EMC10: variants seen among roughly 807,000 people sequenced by gnomAD.
EMC10 encodes UPF0510 protein INM02.
Under a neutral mutation model 32.2 loss-of-function variants are expected in EMC10, and 40 were observed. The observed-to-expected ratio is 1.24, with a 90% CI of 0.96 to 1.61. The LOEUF is 1.61. Ranked by LOEUF, EMC10 falls within the 40% of genes most tolerant of loss-of-function variation. The pLI is 0.00. For synonymous variants in EMC10, 178 were observed against 158.4 expected, an observed-to-expected ratio of 1.12 and a Z score of -0.93; for missense variants, 402 against 357.7, an observed-to-expected ratio of 1.12 and a Z score of -1.00.
rs892914539 is a variant in EMC10, at chr19:50,484,616, C to T, written c.*2357C>T. The T allele has an allele frequency of 6.6e-6, 1 of 152,164 alleles. No individual in the cohort carries two copies. The highest frequency in any genetic ancestry group is 1.5e-5 in the Non-Finnish European group (1 of 68,032). The allele number at this position is 152,164 out of a possible 1,614,324, so 9.4% of individuals were successfully genotyped here. A position where few individuals can be genotyped will look rare whatever the true frequency, so the allele number is the denominator to read the frequency against. ...GTCTGGCCGGTCCTTGGGGAACCCA[C>T]TCACTATTTTATTTTATTGACCGGG... On this transcript the variant is annotated 3_prime_UTR_variant, in exon 7 of 7. Coordinates refer to ENST00000334976, the MANE Select transcript of EMC10 (RefSeq NM_206538.4).
At position 50,480,674 on chromosome 19, in the gene EMC10, G is replaced by A. The variant is rs1440104085; in HGVS notation, c.496G>A (p.Gly166Arg). 5 of 1,598,178 alleles carry A rather than the reference G, an allele frequency of 3.1e-6. No homozygotes were observed. The highest frequency in any genetic ancestry group is 2.3e-5 in the East Asian group (1 of 44,192). ...GGGCGTGTCGGTGGTGACGCACCCC[G>A]GGGGCTGCCGGGGCCATGAGGTGGA... ...VVGVSVVTHP[G>R]GCRGHEVEDV... Residue 166 changes from glycine (G) to arginine (R), a missense_variant, in exon 5 of 7, where the codon GGG (glycine) becomes AGG (arginine). Coordinates refer to ENST00000334976, the MANE Select transcript of EMC10 (RefSeq NM_206538.4). This position sits in a 1 kb window ranked among gnomAD's most constrained non-coding sequence, Gnocchi z 4.4.
rs967191877 is a variant in EMC10 at position 50,483,055 on chromosome 19, G to A, written c.*796G>A. On this transcript the variant is annotated 3_prime_UTR_variant, in exon 7 of 7. Coordinates refer to ENST00000334976, the MANE Select transcript of EMC10 (RefSeq NM_206538.4). ...CCGCCCAGCATCCTACCTGGACTGC[G>A]GTGCTACGAGGGCCTGCGGGCCTTT... The A allele has an allele frequency of 6.2e-5, 33 of 536,416 alleles. No homozygotes were observed. Among genetic ancestry groups the A allele is most frequent in the Non-Finnish European group, 7.1e-6 (2 of 280,112 alleles). 33.2% of individuals were successfully genotyped at this position (536,416 alleles called of 1,614,324 possible). A position where few individuals can be genotyped will look rare whatever the true frequency, so the allele number is the denominator to read the frequency against.
Position 50,485,199 on chromosome 19 carries a change from C to T in EMC10, c.*2940C>T, listed in dbSNP as rs1601331315. 1 of 152,198 alleles carries T rather than the reference C, an allele frequency of 6.6e-6. No individual in the cohort carries two copies. The highest frequency in any genetic ancestry group is 2.1e-4 in the South Asian group (1 of 4,826). 9.4% of individuals were successfully genotyped at this position (152,198 alleles called of 1,614,324 possible). Reference sequence around the variant, plus strand: ...CTGTGGAAGACATGGCCCGGTGGGGCCCCACCTTGCTGGGGGAGAGGGATG... The same window carrying T: ...CTGTGGAAGACATGGCCCGGTGGGGTCCCACCTTGCTGGGGGAGAGGGATG... On this transcript the variant is annotated 3_prime_UTR_variant, in exon 7 of 7. Coordinates refer to ENST00000334976, the MANE Select transcript of EMC10 (RefSeq NM_206538.4).
rs1477633638 is a variant in EMC10, at chr19:50,480,014, G to C, written c.298-97G>C. ...GGAGTGTGGGCCGTGAGGTGGGTGG[G>C]GCTGGAGAGGGGCCTTCGCGGAGGC... On this transcript the variant is annotated intron_variant, in intron 3 of 6. Coordinates refer to ENST00000334976, the MANE Select transcript of EMC10 (RefSeq NM_206538.4). The surrounding 1 kb of genome is among the most constrained non-coding windows in gnomAD (Gnocchi z 4.4). 10 of 954,382 alleles carry C rather than the reference G, an allele frequency of 1.0e-5. No homozygotes were observed. The Admixed American group carries it at 2.4e-4, about 23-fold the overall frequency. 59.1% of individuals were successfully genotyped at this position (954,382 alleles called of 1,614,324 possible).
In EMC10 at chr19:50,481,932, G is replaced by A. The variant is rs373371781; in HGVS notation, c.679-217G>A. On this transcript the variant is annotated intron_variant, in intron 6 of 6. Transcript: ENST00000334976. The stretch of plus-strand genomic sequence containing the variant: ...CTGCTGCGCCAGGGCCCGCGCCACC[G>A]CCACAGGAGGCCTGAGTGAGGACCG... 449 of 1,606,772 alleles carry A rather than the reference G, an allele frequency of 2.8e-4. 2 individuals are homozygous for A. In the African/African-American group the frequency reaches 4.2e-3, roughly 15 times the overall value.
At position 50,481,172 on chromosome 19, in the gene EMC10, C is replaced by T. The variant is rs187654745; in HGVS notation, c.678+195C>T. ...GTATGGAAGTGTGGTCAGGGGAGGT[C>T]GGGCCAGCTCTAGGGCGCAGGGTCC... is the stretch of plus-strand genomic sequence containing the variant. On this transcript the variant is annotated intron_variant, in intron 6 of 6. Transcript: ENST00000334976. 6.9e-5 allele frequency: 38 copies of T among 549,942 alleles called. 1 individual carries two copies. Among genetic ancestry groups the T allele is most frequent in the African/African-American group, 5.8e-4 (30 of 51,592 alleles). 34.1% of individuals were successfully genotyped at this position (549,942 alleles called of 1,614,324 possible).
At chr19:50,479,701 C>T (rs1455794732) in intron 3 of EMC10, among the ~76,000 whole-genome samples, 2 of 152,218 alleles carry the variant, frequency 1.3e-5, no homozygotes, top group Non-Finnish European at 2.9e-5. Flanking sequence ...TCTGCCTGAG[C>T]ACCCTTCCTG....
In EMC10 at chr19:50,476,570, C is replaced by A. The variant is rs757909928; in HGVS notation, c.26C>A (p.Thr9Asn). 60 of 1,574,922 alleles carry A rather than the reference C, an allele frequency of 3.8e-5. No individual in the cohort carries two copies. The highest frequency in any genetic ancestry group is 5.0e-5 in the Non-Finnish European group (58 of 1,166,130). The change falls in exon 1 of 7, where the codon ACC becomes AAC. Residue 9 changes from threonine to asparagine, a missense_variant. Thr to Asn is a moderately conservative substitution (Grantham distance 65, BLOSUM62 0). Transcript: ENST00000334976. MAAASAGATRLLLLLLMAV... is the reference protein window; with the variant it reads MAAASAGANRLLLLLLMAV... ...ATGGCGGCAGCCAGCGCTGGGGCAA[C>A]CCGGCTGCTCCTGCTCTTGCTGATG...
rs910432002 is a variant in EMC10 at position 50,485,881 on chromosome 19, C to T, written c.*3622C>T. The T allele has an allele frequency of 3.3e-5, 5 of 152,378 alleles. No individual in the cohort carries two copies. Among genetic ancestry groups the T allele is most frequent in the Non-Finnish European group, 7.3e-5 (5 of 68,166 alleles). 9.4% of individuals were successfully genotyped at this position (152,378 alleles called of 1,614,324 possible). A position where few individuals can be genotyped will look rare whatever the true frequency, so the allele number is the denominator to read the frequency against. ...CCCTAACTCAATCCTCATTCTCTGCCTCCTGGACCCTCATCCTAGCCTCGT... is the reference window on the plus strand; with the variant it reads ...CCCTAACTCAATCCTCATTCTCTGCTTCCTGGACCCTCATCCTAGCCTCGT... On this transcript the variant is annotated 3_prime_UTR_variant, in exon 7 of 7. Transcript: ENST00000334976.
chr19:50,477,025 G>C (rs2040237322), intron 1 of EMC10: 1 of 197,156 alleles, frequency 5.1e-6, no homozygotes, highest in Non-Finnish European at 1.0e-5. Flanking sequence ...GGAGGCCGAG[G>C]CGGGAGGATT....
In EMC10 at chr19:50,480,369, G is replaced by C. The variant is rs1165344979; in HGVS notation, c.402+154G>C. On this transcript the variant is annotated intron_variant, in intron 4 of 6. Coordinates refer to ENST00000334976, the MANE Select transcript of EMC10 (RefSeq NM_206538.4). The surrounding 1 kb of genome is among the most constrained non-coding windows in gnomAD (Gnocchi z 4.4). The stretch of plus-strand genomic sequence containing the variant: ...TTGCCTTCCGAGGCCTCCTGGTCTG[G>C]AGGGGTCGGTCCAGGTAGCGGGTGC... 2.6e-5 allele frequency among the ~76,000 whole-genome samples: 4 copies of C among 152,256 alleles called. No individual in the cohort carries two copies. The highest frequency in any genetic ancestry group is 5.9e-5 in the Non-Finnish European group (4 of 68,040).
chr19:50,480,181 A>T lies in EMC10; in HGVS notation c.368A>T (p.Glu123Val), dbSNP rs373176105. 9 of 1,613,894 alleles carry T rather than the reference A, an allele frequency of 5.6e-6. No individual in the cohort carries two copies. In the Admixed American group the frequency reaches 1.2e-4, roughly 21 times the overall value. The change falls in exon 4 of 7, where the codon GAA becomes GTA. Residue 123 changes from glutamate (E) to valine (V), a missense_variant. Glu to Val is a moderately radical substitution (Grantham distance 121). Coordinates refer to ENST00000334976, the MANE Select transcript of EMC10 (RefSeq NM_206538.4). The surrounding 1 kb of genome is among the most constrained non-coding windows in gnomAD (Gnocchi z 4.4). ...CGACCCGGGGCCCTGGATGGCCTGG[A>T]AGCTGGTGGCTATGTCTCCTCCTTT... ...PRRPGALDGL[E>V]AGGYVSSFVP...
Position 50,481,122 on chromosome 19 carries a change from GC to G in EMC10, c.678+146del, listed in dbSNP as rs777331531. The G allele has an allele frequency of 1.1e-3, 673 of 639,572 alleles. 2 individuals carry two copies. The highest frequency in any genetic ancestry group is 2.2e-3 in the South Asian group (108 of 50,158). 39.6% of individuals were successfully genotyped at this position (639,572 alleles called of 1,614,324 possible). A position where few individuals can be genotyped will look rare whatever the true frequency, so the allele number is the denominator to read the frequency against. ...GCCTCCTGTGTGTCCTGGTACCTGG[GC>G]TGAGGCTTGTTTGCAGGAAGAGGGT... is the stretch of plus-strand genomic sequence containing the variant. On this transcript the variant is annotated intron_variant, in intron 6 of 6. Coordinates refer to ENST00000334976, the MANE Select transcript of EMC10 (RefSeq NM_206538.4).
Position 50,482,695 on chromosome 19 carries a change from C to T in EMC10, c.*436C>T, listed in dbSNP as rs565184056. 8.3e-6 allele frequency: 4 copies of T among 481,706 alleles called. No homozygotes were observed. Among genetic ancestry groups the T allele is most frequent in the African/African-American group, 8.0e-5 (4 of 50,196 alleles). 29.8% of individuals were successfully genotyped at this position (481,706 alleles called of 1,614,324 possible). A position where few individuals can be genotyped will look rare whatever the true frequency, so the allele number is the denominator to read the frequency against. Reference sequence around the variant, plus strand: ...GGGCTAGGTGGTCCTGTCCAGGCTCCTGCAGCGCCCCCCTCACTTTGACAC... The same window carrying T: ...GGGCTAGGTGGTCCTGTCCAGGCTCTTGCAGCGCCCCCCTCACTTTGACAC... On this transcript the variant is annotated 3_prime_UTR_variant, in exon 7 of 7. Coordinates refer to ENST00000334976, the MANE Select transcript of EMC10 (RefSeq NM_206538.4).
In EMC10 at chr19:50,479,064, C is replaced by A. The variant is rs564099237; in HGVS notation, c.295C>A (p.Arg99=). ...CAGCGAGGAGGAGCGGGGCCGACTC[C>A]GGGTGAGGTGGGGCCCTCAGGGCTG... ...QLSEEERGRL[R]DVAALNGLYR... Residue 99 remains arginine, a splice_region_variant and synonymous_variant, in exon 3 of 7, where the codon CGG becomes AGG. Transcript: ENST00000334976. 6.2e-7 allele frequency: 1 copy of A among 1,600,674 alleles called. No homozygotes were observed. Among genetic ancestry groups the A allele is most frequent in the Admixed American group, 1.7e-5 (1 of 58,484 alleles).
At chr19:50,478,764 G>A (rs761128782) in intron 2 of EMC10, among the ~76,000 whole-genome samples, 193 bp from the exon 3 acceptor site, 2 of 152,244 alleles carry the variant, frequency 1.3e-5, no homozygotes, top group African/African-American at 4.8e-5. Context: ...CATCTGCTAC[G>A]GGTTGCCTTG....
chr19:50,490,865 A>T lies in EMC10; in HGVS notation c.*8606A>T, dbSNP rs770136234. Reference sequence around the variant, plus strand: ...TTAATAATAATAATAAAAGGCAAAAAACCAGGCTCATTGATACACTGATAT... The same window carrying T: ...TTAATAATAATAATAAAAGGCAAAATACCAGGCTCATTGATACACTGATAT... On this transcript the variant is annotated 3_prime_UTR_variant, in exon 7 of 7. Coordinates refer to ENST00000334976, the MANE Select transcript of EMC10 (RefSeq NM_206538.4). 1 of 152,090 alleles carries T rather than the reference A, an allele frequency of 6.6e-6. No individual in the cohort carries two copies. The highest frequency in any genetic ancestry group is 2.4e-5 in the African/African-American group (1 of 41,396). 9.4% of individuals were successfully genotyped at this position (152,090 alleles called of 1,614,324 possible).
chr19:50,488,491 C>T lies in EMC10; in HGVS notation c.*6232C>T, dbSNP rs1404273081. ...GGGTGGGTGCCATGGCTGGTGAGCTCGGAGAAGAGGGAAGCAGAGAAACGG... is the reference window on the plus strand; with the variant it reads ...GGGTGGGTGCCATGGCTGGTGAGCTTGGAGAAGAGGGAAGCAGAGAAACGG... On this transcript the variant is annotated 3_prime_UTR_variant, in exon 7 of 7. Coordinates refer to ENST00000334976, the MANE Select transcript of EMC10 (RefSeq NM_206538.4). 7.2e-6 allele frequency: 1 copy of T among 139,300 alleles called. No homozygotes were observed. The highest frequency in any genetic ancestry group is 2.7e-5 in the African/African-American group (1 of 37,556). The allele number at this position is 139,300 out of a possible 1,614,324, so 8.6% of individuals were successfully genotyped here.
rs1011711101 is a variant in EMC10, at chr19:50,484,417, C to T, written c.*2158C>T. The T allele has an allele frequency of 6.6e-6, 1 of 152,126 alleles. No homozygotes were observed. The highest frequency in any genetic ancestry group is 1.5e-5 in the Non-Finnish European group (1 of 68,022). 9.4% of individuals were successfully genotyped at this position (152,126 alleles called of 1,614,324 possible). A position where few individuals can be genotyped will look rare whatever the true frequency, so the allele number is the denominator to read the frequency against. On this transcript the variant is annotated 3_prime_UTR_variant, in exon 7 of 7. Transcript: ENST00000334976. ...GTCTTCTACCCCGGCACTGGGGGAACATCTTATTTTTCCTGGGTTAAACAT... is the reference window on the plus strand; with the variant it reads ...GTCTTCTACCCCGGCACTGGGGGAATATCTTATTTTTCCTGGGTTAAACAT...
Sources: gnomAD v4.1 joint callset for allele counts (sites outside exome capture counted in the v4.1 genomes callset) on GRCh38, gnomAD v4.1.1 for gene constraint, Gnocchi (gnomAD v3.1) non-coding constraint, MANE v1.5 for transcripts, NCBI Gene and HGNC (gene_info 2026-07-23, HGNC 2026-07-21) for gene names.